Variants in FGF13 observed in about 807,000 individuals in gnomAD.
FGF13 encodes fibroblast growth factor homologous factor 2.
In FGF13, 2 loss-of-function variants were observed where a neutral mutation model predicts 19.5. The ratio of observed to expected loss-of-function variants is 0.10; its 90% CI spans 0.04 to 0.32. The LOEUF is 0.32. FGF13 is among the 10% of genes least tolerant of loss of function. FGF13 has a pLI of 1.00. For synonymous variants in FGF13, 72 were observed against 76.9 expected (o/e 0.94, Z 0.33); for missense variants, 113 against 192.7 (o/e 0.59, Z 2.45).
intron 1 of FGF13, among the ~76,000 whole-genome samples, chrX:139,003,925 C>T (rs1423986097): frequency 8.9e-6 from 1 of 112,771 alleles, no homozygotes; most frequent in Non-Finnish European, 1.9e-5. Context: ...TAAAGACTCT[C>T]CACGTCCCCA....
At position 138,949,006 on chromosome X, in the gene FGF13, G is replaced by A. The variant is rs1287805094; in HGVS notation, c.-112-84356C>T. Among the ~76,000 whole-genome samples the A allele has an allele frequency of 7.1e-5, 8 of 111,912 alleles. 1 individual carries two copies. The highest frequency in any genetic ancestry group is 3.8e-4 in the Admixed American group (4 of 10,557). On this transcript the variant is annotated intron_variant, in intron 1 of 2. Transcript: ENST00000421460. ...TTAGGTAGGTATTATTATTTCCATT[G>A]TACAGGTGAAGAAATCCAGTCAGTA... is the stretch of plus-strand genomic sequence containing the variant.
chrX:139,173,425 TAAG>T (rs1297488368), intron 1 of FGF13, among the ~76,000 whole-genome samples: 1 of 110,427 alleles, frequency 9.1e-6, no homozygotes, highest in Non-Finnish European at 1.9e-5. Context: ...AATTATACTT[TAAG>T]TTCTGGGATA....
chrX:138,929,854 CTGTGTGTG>C (rs577806507), intron 1 of FGF13, among the ~76,000 whole-genome samples: 8,706 of 96,110 alleles, frequency 0.091, 352 homozygotes, highest in Admixed American at 0.13. Context: ...ACTGCCTTAG[CTGTGTGTG>C]TGTGTGTGTG....
At chrX:138,854,774 G>A (rs931947525), downstream of FGF13, among the ~76,000 whole-genome samples, 1 of 111,108 alleles carries the variant, frequency 9.0e-6, no homozygotes, top group Non-Finnish European at 1.9e-5. Context: ...CATTAGAAGA[G>A]GTTATACTAG....
chrX:139,110,390 G>A (rs1338586823), intron 1 of FGF13, among the ~76,000 whole-genome samples: 6 of 110,148 alleles, frequency 5.4e-5, no homozygotes, highest in Non-Finnish European at 1.1e-4. Flanking sequence ...GGACCCGGTG[G>A]AAGATAATTG....
chrX:138,911,669 T>C (rs760736314), intron 1 of FGF13, among the ~76,000 whole-genome samples: 1 of 111,975 alleles, frequency 8.9e-6, no homozygotes, highest in South Asian at 3.8e-4. Context: ...TTGGAAGTAT[T>C]TGCTCGTTCT....
At chrX:138,999,911 G>A (rs780527895) in intron 1 of FGF13, among the ~76,000 whole-genome samples, 2 of 111,869 alleles carry the variant, frequency 1.8e-5, no homozygotes, top group Admixed American at 9.5e-5. Context: ...CAATATCCAC[G>A]ATGAACATCG....
intron 1 of FGF13, among the ~76,000 whole-genome samples, chrX:139,153,843 A>G (rs1196434184): frequency 9.0e-6 from 1 of 111,104 alleles, no homozygotes; most frequent in African/African-American, 3.3e-5. Flanking sequence ...GAAAGGGGAA[A>G]TACATGCACA....
At chrX:138,990,853 C>A (rs1212280306) in intron 1 of FGF13, among the ~76,000 whole-genome samples, 1 of 112,217 alleles carries the variant, frequency 8.9e-6, no homozygotes, top group Non-Finnish European at 1.9e-5. Context: ...AAGGTAGACA[C>A]AACTCTGTAG....
upstream of FGF13, among the ~76,000 whole-genome samples, chrX:138,741,654 G>A (rs934411871): frequency 2.9e-4 from 32 of 111,124 alleles, no homozygotes; most frequent in African/African-American, 1.0e-3. Context: ...AAAGCAATCT[G>A]ATTAAGCTAA....
Position 138,616,045 on chromosome X carries a change from A to C in FGF13, c.*16805T>G, listed in dbSNP as rs2124059601. ...GATTTGGGTGGGAACACAAAACCAAACCATATCATTCTGACCCTAGTTCCT... is the reference window on the plus strand; with the variant it reads ...GATTTGGGTGGGAACACAAAACCAACCCATATCATTCTGACCCTAGTTCCT... On this transcript the variant is annotated 3_prime_UTR_variant, in exon 5 of 5. Coordinates refer to ENST00000315930, the MANE Select transcript of FGF13 (RefSeq NM_004114.5). 9.0e-6 allele frequency: 1 copy of C among 111,386 alleles called. No individual in the cohort carries two copies. Among genetic ancestry groups the C allele is most frequent in the African/African-American group, 3.3e-5 (1 of 30,607 alleles). 9.2% of individuals were successfully genotyped at this position (111,386 alleles called of 1,213,427 possible).
chrX:138,999,732 T>C (rs1603112704), intron 1 of FGF13, among the ~76,000 whole-genome samples: 1 of 111,753 alleles, frequency 8.9e-6, no homozygotes, highest in East Asian at 2.8e-4. Flanking sequence ...ACCAGACACA[T>C]TCACAACCGA....
chrX:138,994,745 A>T (rs2092033772), intron 1 of FGF13, among the ~76,000 whole-genome samples: 1 of 111,297 alleles, frequency 9.0e-6, no homozygotes, highest in African/African-American at 3.3e-5. Flanking sequence ...ATCCTCTATC[A>T]TTTGATATTT....
At chrX:139,017,339 G>GTATA (rs34651307) in intron 1 of FGF13, among the ~76,000 whole-genome samples, 46,202 of 99,776 alleles carry the variant, frequency 0.46, 8,462 homozygotes, top group Middle Eastern at 0.52. Context: ...ATACATGTAT[G>GTATA]TATATATATA....
chrX:138,960,088 C>T (rs779710693), intron 1 of FGF13, among the ~76,000 whole-genome samples: 20 of 111,716 alleles, frequency 1.8e-4, no homozygotes, highest in African/African-American at 6.5e-4. Context: ...TTATTTTGCT[C>T]GTTAGTTGAT....
intron 3 of FGF13, among the ~76,000 whole-genome samples, chrX:138,805,716 A>G (rs747698358): frequency 1.8e-5 from 2 of 112,311 alleles, no homozygotes. Flanking sequence ...ACACAACATG[A>G]AATCTGCCCT....
chrX:138,824,092 G>C (rs1322250238), intron 3 of FGF13, among the ~76,000 whole-genome samples: 1 of 112,183 alleles, frequency 8.9e-6, no homozygotes, highest in African/African-American at 3.2e-5. Flanking sequence ...GGTAATTGAA[G>C]GGGCAGGAAG....
At chrX:138,706,347 T>C (rs1247198134) in intron 2 of FGF13, among the ~76,000 whole-genome samples, 2 of 112,250 alleles carry the variant, frequency 1.8e-5, no homozygotes, top group Non-Finnish European at 3.8e-5. Context: ...TGAGATTTTA[T>C]TGAACTGACA....
intron 3 of FGF13, among the ~76,000 whole-genome samples, chrX:138,793,752 G>T (rs1377491879): frequency 9.0e-6 from 1 of 111,628 alleles, no homozygotes; most frequent in African/African-American, 3.3e-5. Flanking sequence ...TTAGAATTCT[G>T]GTCCTGTCCA....
Sources: allele counts gnomAD v4.1 joint callset (sites outside exome capture counted in the v4.1 genomes callset), GRCh38; gene constraint gnomAD v4.1.1; transcripts MANE v1.5; gene names NCBI Gene and HGNC (gene_info 2026-07-23, HGNC 2026-07-21).